GRM7: variants seen among roughly 807,000 people sequenced by gnomAD.
GRM7 encodes glutamate metabotropic receptor 7.
In GRM7, 35 loss-of-function variants were observed where a neutral mutation model predicts 84.5. The ratio of observed to expected loss-of-function variants is 0.41; its 90% CI spans 0.32 to 0.55. The LOEUF is 0.55. Ranked by LOEUF, GRM7 falls within the 20% of genes least tolerant of loss-of-function variation. GRM7 has a pLI of 0.19. For missense variants in GRM7, 1,003 were observed against 1,194.6 expected (o/e 0.84, Z 2.36); for synonymous variants, 487 against 455.1 (o/e 1.07, Z -0.89).
intron 2 of GRM7, among the ~76,000 whole-genome samples, chr3:7,277,387 T>G (rs1020048590): frequency 6.6e-6 from 1 of 152,004 alleles, no homozygotes; most frequent in Admixed American, 6.6e-5. Context: ...CACTTAATGG[T>G]CAAATTTTAT....
intron 1 of GRM7, among the ~76,000 whole-genome samples, chr3:7,101,551 T>C (rs1413193098): frequency 2.0e-5 from 3 of 151,554 alleles, no homozygotes; most frequent in Non-Finnish European, 4.4e-5. Context: ...TCTAGTAGAT[T>C]TACATGTAAT....
At chr3:7,682,645 C>G (rs113731299) in intron 9 of GRM7, among the ~76,000 whole-genome samples, 2 of 151,486 alleles carry the variant, frequency 1.3e-5, no homozygotes, top group African/African-American at 4.9e-5. Context: ...GGGAAAAAGA[C>G]GAAATTAGAA....
chr3:7,672,060 T>C (rs934272270), intron 8 of GRM7, among the ~76,000 whole-genome samples: 1 of 152,064 alleles, frequency 6.6e-6, no homozygotes, highest in Non-Finnish European at 1.5e-5. Context: ...TTCTAAAGGA[T>C]GCAAACTCCC....
intron 2 of GRM7, among the ~76,000 whole-genome samples, chr3:7,250,599 C>T (rs1211187430): frequency 7.0e-6 from 1 of 142,292 alleles, no homozygotes; most frequent in Non-Finnish European, 1.5e-5. Context: ...TCTTGGCTCA[C>T]TGTAACCGCC....
At chr3:7,034,672 G>A (rs540531205) in intron 1 of GRM7, among the ~76,000 whole-genome samples, 94 of 152,188 alleles carry the variant, frequency 6.2e-4, no homozygotes, top group Non-Finnish European at 1.2e-3. Context: ...ATAGACTCAG[G>A]AACCAAGAAC....
intron 7 of GRM7, among the ~76,000 whole-genome samples, chr3:7,490,351 T>C (rs1699475536): frequency 6.6e-6 from 1 of 152,118 alleles, no homozygotes; most frequent in Non-Finnish European, 1.5e-5. Context: ...GTCTGAAATA[T>C]ATGAACTGAA....
chr3:7,593,902 A>C (rs1473668120), intron 8 of GRM7, among the ~76,000 whole-genome samples: 1 of 152,062 alleles, frequency 6.6e-6, no homozygotes, highest in African/African-American at 2.4e-5. Flanking sequence ...TGCACATTTG[A>C]TAGAGCTTCC....
intron 4 of GRM7, among the ~76,000 whole-genome samples, chr3:7,314,657 T>A (rs1700520741): frequency 6.6e-6 from 1 of 152,190 alleles, no homozygotes. Flanking sequence ...CATGTCTTTT[T>A]TTCCTATTTT....
At chr3:6,989,257 A>G (rs1052525159) in intron 1 of GRM7, among the ~76,000 whole-genome samples, 1 of 152,198 alleles carries the variant, frequency 6.6e-6, no homozygotes, top group Non-Finnish European at 1.5e-5. Context: ...CCTTTCATAT[A>G]TTTTATGTAT....
At chr3:7,740,109 A>C (rs1419865373) in intron 9 of GRM7, among the ~76,000 whole-genome samples, 1 of 152,182 alleles carries the variant, frequency 6.6e-6, no homozygotes, top group Non-Finnish European at 1.5e-5. Context: ...ATTTATTAAT[A>C]GAGTATAAAG....
At chr3:6,898,256 C>G (rs1029651259) in intron 1 of GRM7, among the ~76,000 whole-genome samples, 2 of 151,896 alleles carry the variant, frequency 1.3e-5, no homozygotes, top group African/African-American at 4.8e-5. Flanking sequence ...TTTGGCAGAC[C>G]CAGAAAGCTT....
intron 7 of GRM7, among the ~76,000 whole-genome samples, chr3:7,566,112 T>TTG (rs1270807457): frequency 2.8e-3 from 71 of 25,254 alleles, no homozygotes; most frequent in African/African-American, 6.8e-3. Context: ...TGTTTTTTTT[T>TTG]TTTTTTTTTT....
intron 1 of GRM7, among the ~76,000 whole-genome samples, chr3:6,993,997 A>G (rs759069321): frequency 2.6e-5 from 4 of 152,144 alleles, no homozygotes; most frequent in Non-Finnish European, 5.9e-5. Flanking sequence ...CCTAAAAGAG[A>G]TTAGAGTTGC....
chr3:7,091,684 T>A (rs1273926020), intron 1 of GRM7, among the ~76,000 whole-genome samples: 1 of 70,776 alleles, frequency 1.4e-5, no homozygotes, highest in African/African-American at 8.5e-5. Context: ...ACAAATATAT[T>A]TGGAGTAAAG....
intron 9 of GRM7, among the ~76,000 whole-genome samples, chr3:7,713,124 GTTTTTTTT>G (rs5846535): frequency 1.0e-5 from 1 of 97,124 alleles, no homozygotes; most frequent in Non-Finnish European, 2.2e-5. Flanking sequence ...ATTTTGTTTT[GTTTTTTTT>G]TTTTTTTTTT....
intron 1 of GRM7, among the ~76,000 whole-genome samples, chr3:6,985,568 G>A (rs1356438113): frequency 2.6e-5 from 4 of 152,166 alleles, no homozygotes; most frequent in Non-Finnish European, 4.4e-5. Context: ...GATGGATCTT[G>A]TGTTATAGAT....
At chr3:7,146,376 TA>T in intron 1 of GRM7, 75 bp from the exon 2 acceptor site, 1 of 1,142,468 alleles carries the variant, frequency 8.8e-7, no homozygotes. Flanking sequence ...GTATTTTAAG[TA>T]AACTGTCATA....
intron 4 of GRM7, among the ~76,000 whole-genome samples, chr3:7,323,690 A>G (rs940101793): frequency 6.6e-6 from 1 of 152,222 alleles, no homozygotes; most frequent in Non-Finnish European, 1.5e-5. Flanking sequence ...GTCAATGGCC[A>G]CATAACGTGT....
intron 1 of GRM7, among the ~76,000 whole-genome samples, chr3:6,964,991 G>C (rs903022451): frequency 1.3e-4 from 20 of 151,836 alleles, no homozygotes; most frequent in Admixed American, 1.2e-3. Context: ...TGCTTTCTTT[G>C]CCACCACTCT....
Sources: gnomAD v4.1 joint callset for allele counts (sites outside exome capture counted in the v4.1 genomes callset) on GRCh38, gnomAD v4.1.1 for gene constraint, MANE v1.5 for transcripts, NCBI Gene and HGNC (gene_info 2026-07-23, HGNC 2026-07-21) for gene names.